ATP10B: variants seen among roughly 807,000 people sequenced by gnomAD.
ATP10B encodes ATPase phospholipid transporting 10B (putative).
Under a neutral mutation model 141.2 loss-of-function variants are expected in ATP10B, and 122 were observed. That is an observed-to-expected ratio of 0.86 (90% CI 0.75 to 1.00). ATP10B has a LOEUF of 1.00. Among genes scored for constraint, ATP10B ranks in the 50% least tolerant of loss-of-function variants. The probability of loss-of-function intolerance (pLI) is 0.00; values close to 1 mark genes in which losing one functional copy is unlikely to be tolerated. For synonymous variants in ATP10B, 685 were observed against 692.0 expected, an observed-to-expected ratio of 0.99 and a Z score of 0.16; for missense variants, 1,876 against 1,825.3, an observed-to-expected ratio of 1.03 and a Z score of -0.51.
In ATP10B at chr5:160,612,788, G is replaced by C; in HGVS notation, c.2791C>G (p.Leu931Val). The C allele has an allele frequency of 6.2e-7, 1 of 1,614,052 alleles. No homozygotes were observed. Among genetic ancestry groups the C allele is most frequent in the South Asian group, 1.1e-5 (1 of 91,066 alleles). Reference protein sequence around the residue: ...TAVNIAHSCRLLNQTDTVYTI... With the variant: ...TAVNIAHSCRVLNQTDTVYTI... ...TAAACAGTGTCGGTCTGATTTAACA[G>C]TCTGCAGGAATGGGCAATGTTGACC... The change falls in exon 18 of 26, where the codon CTG becomes GTG. Residue 931 changes from leucine (L) to valine (V), a missense_variant. By Grantham distance (32) the Leu-to-Val change is conservative (BLOSUM62 1). Transcript: ENST00000327245.
intron 1 of ATP10B, among the ~76,000 whole-genome samples, chr5:160,817,167 A>G (rs1434277028): frequency 1.3e-5 from 2 of 152,190 alleles, no homozygotes; most frequent in African/African-American, 4.8e-5. Flanking sequence ...ATCAGGCAGG[A>G]GAAGGAAATA....
At chr5:160,796,606 G>A (rs1294905476) in intron 1 of ATP10B, among the ~76,000 whole-genome samples, 3 of 152,104 alleles carry the variant, frequency 2.0e-5, no homozygotes, top group Non-Finnish European at 4.4e-5. Context: ...CAAGCTGGTC[G>A]CGCCCTTCCA....
chr5:160,637,608 A>T (rs1370904260), intron 10 of ATP10B, among the ~76,000 whole-genome samples: 2 of 152,230 alleles, frequency 1.3e-5, no homozygotes, highest in African/African-American at 4.8e-5. Context: ...TCTGAGGATT[A>T]TGTAAGGTGA....
chr5:160,636,409 T>C (rs1177078160), intron 10 of ATP10B, 100 bp from the exon 11 acceptor site: 2 of 1,278,894 alleles, frequency 1.6e-6, no homozygotes, highest in East Asian at 4.8e-5. Context: ...ATGGGTGTGC[T>C]TTGGAGGACC....
At chr5:160,737,422 AG>A (rs1767200405) in intron 2 of ATP10B, among the ~76,000 whole-genome samples, 1 of 152,234 alleles carries the variant, frequency 6.6e-6, no homozygotes. Flanking sequence ...GACCAGAAAA[AG>A]CAATAAAAGA....
chr5:160,814,193 G>A (rs1284544191), intron 1 of ATP10B, among the ~76,000 whole-genome samples: 2 of 152,088 alleles, frequency 1.3e-5, no homozygotes, highest in Admixed American at 6.6e-5. Context: ...CCGAGCTAAA[G>A]GAGGAAGTTC....
In ATP10B at chr5:160,680,431, C is replaced by T. The variant is rs550945392; in HGVS notation, c.470+5648G>A. 7.9e-5 allele frequency among the ~76,000 whole-genome samples: 12 copies of T among 152,318 alleles called. No individual in the cohort carries two copies. In the South Asian group the frequency reaches 2.3e-3, roughly 29 times the overall value. ...TAACTAACACTTATCTATTTAATAG[C>T]ATGTCTTAGCTTCCTCTGTTGGGGT... On this transcript the variant is annotated intron_variant, in intron 6 of 25. Coordinates refer to ENST00000327245, the MANE Select transcript of ATP10B (RefSeq NM_025153.3).
At chr5:160,737,626 A>G (rs943979833) in intron 2 of ATP10B, among the ~76,000 whole-genome samples, 1 of 152,188 alleles carries the variant, frequency 6.6e-6, no homozygotes, top group African/African-American at 2.4e-5. Context: ...TGAAAAAGAA[A>G]TAAAAAATCC....
At chr5:160,704,345 C>T (rs772411769) in intron 3 of ATP10B, among the ~76,000 whole-genome samples, 5 of 152,154 alleles carry the variant, frequency 3.3e-5, no homozygotes, top group Admixed American at 2.6e-4. Flanking sequence ...GCATGAAACA[C>T]TGTGCCAGGC....
chr5:160,606,896 T>A lies in ATP10B; in HGVS notation c.3029A>T (p.Lys1010Met). Residue 1010 changes from lysine to methionine, a missense_variant, in exon 19 of 26, where the codon AAG becomes ATG. Transcript: ENST00000327245. ...GKTLNAIFQG[K>M]LEKKFLELTQ... ...CAATTCCAGAAACTTCTTCTCTAGC[T>A]TTCCCTGGAAGATGGCATTCAATGT... The A allele has an allele frequency of 6.2e-7, 1 of 1,614,172 alleles. No individual in the cohort carries two copies. Among genetic ancestry groups the A allele is most frequent in the Non-Finnish European group, 8.5e-7 (1 of 1,180,006 alleles).
chr5:160,653,799 G>GACA (rs1561706550), intron 7 of ATP10B, among the ~76,000 whole-genome samples: 1 of 108,590 alleles, frequency 9.2e-6, no homozygotes, highest in Admixed American at 1.1e-4. Flanking sequence ...TTATATAGAC[G>GACA]TATATACATA....
At chr5:160,734,046 T>G (rs1283839688) in intron 2 of ATP10B, among the ~76,000 whole-genome samples, 1 of 137,892 alleles carries the variant, frequency 7.3e-6, no homozygotes, top group African/African-American at 2.8e-5. Flanking sequence ...AGGTGGAGGT[T>G]GCAGTGAGCC....
At chr5:160,755,839 ATATATATATATATAT>A (rs1401774762) in intron 2 of ATP10B, among the ~76,000 whole-genome samples, 117 of 31,260 alleles carry the variant, frequency 3.7e-3, no homozygotes, top group East Asian at 7.7e-3. Context: ...AAAAAAAAAA[ATATATATATATATAT>A]ATATATATAT....
chr5:160,852,242 C>G (rs536024012), upstream of ATP10B: 4 of 152,250 alleles, frequency 2.6e-5, no homozygotes, highest in Admixed American at 2.6e-4. Flanking sequence ...AATGTGAGGC[C>G]GAGTCCCAGA....
At position 160,687,818 on chromosome 5, in the gene ATP10B, A is replaced by G; in HGVS notation, c.257T>C (p.Leu86Pro). The G allele has an allele frequency of 6.2e-7, 1 of 1,613,918 alleles. No individual in the cohort carries two copies. The highest frequency in any genetic ancestry group is 1.3e-5 in the African/African-American group (1 of 75,024). The change falls in exon 5 of 26, where the codon CTC (leucine) becomes CCC (proline). Residue 86 changes from leucine to proline, a missense_variant. Coordinates refer to ENST00000327245, the MANE Select transcript of ATP10B (RefSeq NM_025153.3). ...YTLFTFLPRN[L>P]FEQFHRWANL... ...TCTCTACCTATGAAATTGCTCAAAG[A>G]GATTCCGGGGCAGGAAGGTGAAGAG...
chr5:160,861,109 G>T, the ATP10B span, among the ~76,000 whole-genome samples: 11 of 151,732 alleles, frequency 7.2e-5, no homozygotes, highest in Non-Finnish European at 1.5e-4. Context: ...GTGTAATTTT[G>T]CTTAATTTTT....
intron 22 of ATP10B, among the ~76,000 whole-genome samples, chr5:160,598,444 G>A (rs918196325): frequency 6.6e-6 from 1 of 151,834 alleles, no homozygotes; most frequent in Non-Finnish European, 1.5e-5. Context: ...GCTAAATGAC[G>A]AGTTAATGGG....
In ATP10B at chr5:160,565,006, A is replaced by C. The variant is rs975906847; in HGVS notation, c.*447T>G. The C allele has an allele frequency of 1.8e-5, 3 of 166,388 alleles. No individual in the cohort carries two copies. The highest frequency in any genetic ancestry group is 7.2e-5 in the African/African-American group (3 of 41,674). The allele number at this position is 166,388 out of a possible 1,614,324, so 10.3% of individuals were successfully genotyped here. ...CACTTGAGATGAAGCCCTTATGTGC[A>C]CAAGTCTCTTCTGAAACTTTAACTC... is the stretch of plus-strand genomic sequence containing the variant. On this transcript the variant is annotated 3_prime_UTR_variant, in exon 26 of 26. Coordinates refer to ENST00000327245, the MANE Select transcript of ATP10B (RefSeq NM_025153.3).
chr5:160,702,899 A>G (rs1032648645), intron 3 of ATP10B, among the ~76,000 whole-genome samples: 1 of 152,218 alleles, frequency 6.6e-6, no homozygotes, highest in Non-Finnish European at 1.5e-5. Flanking sequence ...ATAGTAGTTT[A>G]TGCCACCTCT....
Sources: allele counts gnomAD v4.1 joint callset (sites outside exome capture counted in the v4.1 genomes callset), GRCh38; gene constraint gnomAD v4.1.1; transcripts MANE v1.5; gene names NCBI Gene and HGNC (gene_info 2026-07-23, HGNC 2026-07-21).